Variants in CHDH observed in about 807,000 individuals in gnomAD.
CHDH encodes choline dehydrogenase, also known as choline dehydrogenase, mitochondrial.
In CHDH, 43 loss-of-function variants were observed where a neutral mutation model predicts 56.9. The ratio of observed to expected loss-of-function variants is 0.76; its 90% confidence interval spans 0.59 to 0.97. The LOEUF (loss-of-function observed/expected upper bound fraction) is 0.97. CHDH is among the 50% of genes least tolerant of loss of function. CHDH has a pLI of 0.00. For synonymous variants in CHDH, 364 were observed against 348.5 expected (o/e 1.04, Z -0.50); for missense variants, 816 against 821.1 (o/e 0.99, Z 0.08).
Position 53,814,865 on chromosome 3 carries a change from G to T in CHDH, c.*2912C>A, listed in dbSNP as rs1576769068. 1 of 152,250 alleles carries T rather than the reference G, an allele frequency of 6.6e-6. No homozygotes were observed. Among genetic ancestry groups the T allele is most frequent in the East Asian group, 1.9e-4 (1 of 5,162 alleles). 9.4% of individuals were successfully genotyped at this position (152,250 alleles called of 1,614,324 possible). The stretch of plus-strand genomic sequence containing the variant: ...AGTAGAGACGGGGTTTCACCATGTT[G>T]GCCAGGCTGGTCTCAAACTCCTGGC... On this transcript the variant is annotated 3_prime_UTR_variant, in exon 9 of 9. Transcript: ENST00000315251.
At chr3:53,824,343 GC>G (rs1396183050) in intron 2 of CHDH, among the ~76,000 whole-genome samples, 1 of 152,250 alleles carries the variant, frequency 6.6e-6, no homozygotes, top group Non-Finnish European at 1.5e-5. Flanking sequence ...TGGAGACTGG[GC>G]TGGAGTCTGC....
chr3:53,823,402 G>A lies in CHDH; in HGVS notation c.607C>T (p.Leu203=). Residue 203 remains leucine (L), a synonymous_variant, in exon 3 of 9, where the codon CTG becomes TTG. Transcript: ENST00000315251. ...KTNHPLHCAF[L]EATQQAGYPL... is the part of the protein sequence containing the mutation. ...TAGCCGGCCTGCTGCGTGGCCTCCA[G>A]GAATGCGCAGTGCAGCGGGTGGTTG... is the stretch of plus-strand genomic sequence containing the variant. The A allele has an allele frequency of 6.2e-7, 1 of 1,602,860 alleles. No homozygotes were observed. The highest frequency in any genetic ancestry group is 8.5e-7 in the Non-Finnish European group (1 of 1,174,684).
chr3:53,821,156 A>ATCAAGGAGG (rs2095625618), intron 5 of CHDH, among the ~76,000 whole-genome samples: 1 of 152,276 alleles, frequency 6.6e-6, no homozygotes, highest in Non-Finnish European at 1.5e-5. Context: ...GAGTGGGGTT[A>ATCAAGGAGG]TCAAGGAGGG....
intron 2 of CHDH, among the ~76,000 whole-genome samples, chr3:53,839,085 G>A (rs1296730451): frequency 6.6e-6 from 1 of 152,206 alleles, no homozygotes; most frequent in Non-Finnish European, 1.5e-5. Context: ...CCAGCAGAAG[G>A]AGAAAAAGAT....
intron 2 of CHDH, among the ~76,000 whole-genome samples, chr3:53,837,927 A>G (rs1022573191): frequency 3.9e-5 from 6 of 151,986 alleles, no homozygotes; most frequent in Non-Finnish European, 8.8e-5. Flanking sequence ...GTGTGGTGGC[A>G]CACGCCTTGT....
At position 53,816,943 on chromosome 3, in the gene CHDH, T is replaced by G; in HGVS notation, c.*834A>C. On this transcript the variant is annotated 3_prime_UTR_variant, in exon 9 of 9. Transcript: ENST00000315251. ...TCACAGGAGCCTCAACCTCCTGGGC[T>G]AAAGCCATCCTCCCGCCTCAGCCTC... is the stretch of plus-strand genomic sequence containing the variant. The G allele has an allele frequency of 6.7e-6, 1 of 149,374 alleles. No homozygotes were observed. Among genetic ancestry groups the G allele is most frequent in the Non-Finnish European group, 1.5e-5 (1 of 67,814 alleles). The allele number at this position is 149,374 out of a possible 1,614,324, so 9.3% of individuals were successfully genotyped here.
intron 2 of CHDH, among the ~76,000 whole-genome samples, chr3:53,831,663 T>G (rs1178437611): frequency 1.2e-4 from 18 of 152,240 alleles, no homozygotes; most frequent in Admixed American, 1.2e-3. Context: ...GGTTAATATC[T>G]AGAATGTGTT....
At position 53,812,651 on chromosome 3, in the gene CHDH, A is replaced by G. The variant is rs1479939785; in HGVS notation, c.*5126T>C. 6.6e-6 allele frequency: 1 copy of G among 152,216 alleles called. No individual in the cohort carries two copies. Among genetic ancestry groups the G allele is most frequent in the Non-Finnish European group, 1.5e-5 (1 of 68,048 alleles). 9.4% of individuals were successfully genotyped at this position (152,216 alleles called of 1,614,324 possible). A position where few individuals can be genotyped will look rare whatever the true frequency, so the allele number is the denominator to read the frequency against. ...TGGCTGCTCTGCCCCTTGGGTATCC[A>G]TAGTTACGGTTTTCTCTGTGGCCCA... is the stretch of plus-strand genomic sequence containing the variant. On this transcript the variant is annotated 3_prime_UTR_variant, in exon 9 of 9. Coordinates refer to ENST00000315251, the MANE Select transcript of CHDH (RefSeq NM_018397.5).
At chr3:53,835,848 C>G (rs147818463) in intron 2 of CHDH, among the ~76,000 whole-genome samples, 1 of 152,258 alleles carries the variant, frequency 6.6e-6, no homozygotes, top group East Asian at 1.9e-4. Context: ...ACCATCAGCC[C>G]CATGTCACAG....
At position 53,812,735 on chromosome 3, in the gene CHDH, C is replaced by A. The variant is rs1417878981; in HGVS notation, c.*5042G>T. 1 of 152,226 alleles carries A rather than the reference C, an allele frequency of 6.6e-6. No individual in the cohort carries two copies. The highest frequency in any genetic ancestry group is 1.5e-5 in the Non-Finnish European group (1 of 68,050). 9.4% of individuals were successfully genotyped at this position (152,226 alleles called of 1,614,324 possible). On this transcript the variant is annotated 3_prime_UTR_variant, in exon 9 of 9. Coordinates refer to ENST00000315251, the MANE Select transcript of CHDH (RefSeq NM_018397.5). ...TGCATAGGTGGATGAGATATAGCTGCTCTTGTCCTCTGGGGACTGGTGGTG... is the reference window on the plus strand; with the variant it reads ...TGCATAGGTGGATGAGATATAGCTGATCTTGTCCTCTGGGGACTGGTGGTG...
At position 53,817,579 on chromosome 3, in the gene CHDH, T is replaced by G; in HGVS notation, c.*198A>C. On this transcript the variant is annotated 3_prime_UTR_variant, in exon 9 of 9. Transcript: ENST00000315251. ...CCCCAAATGGCCCACAGGGAAAGGC[T>G]GGGGAAAAGGAGCTGGATTCACTGC... is the stretch of plus-strand genomic sequence containing the variant. The G allele has an allele frequency of 3.6e-6, 2 of 558,350 alleles. No homozygotes were observed. Among genetic ancestry groups the G allele is most frequent in the South Asian group, 5.4e-5 (2 of 36,868 alleles). The allele number at this position is 558,350 out of a possible 1,614,324, so 34.6% of individuals were successfully genotyped here.
Position 53,819,735 on chromosome 3 carries a change from G to C in CHDH, c.1121-61C>G. ...TCAGGCCGTGGCAGGTGGGCCGGCT[G>C]CTCCTGGTTTCCCTCCTTTCTCCTG... On this transcript the variant is annotated intron_variant, in intron 6 of 8. Coordinates refer to ENST00000315251, the MANE Select transcript of CHDH (RefSeq NM_018397.5). This position sits in a 1 kb window ranked among gnomAD's most constrained non-coding sequence, Gnocchi z 5.4. The C allele has an allele frequency of 6.8e-7, 1 of 1,478,368 alleles. No individual in the cohort carries two copies. 91.6% of individuals were successfully genotyped at this position (1,478,368 alleles called of 1,614,324 possible). A position where few individuals can be genotyped will look rare whatever the true frequency, so the allele number is the denominator to read the frequency against.
At position 53,816,731 on chromosome 3, in the gene CHDH, T is replaced by C. The variant is rs1222620500; in HGVS notation, c.*1046A>G. The C allele has an allele frequency of 6.6e-6, 1 of 152,072 alleles. No individual in the cohort carries two copies. Among genetic ancestry groups the C allele is most frequent in the African/African-American group, 2.4e-5 (1 of 41,394 alleles). 9.4% of individuals were successfully genotyped at this position (152,072 alleles called of 1,614,324 possible). On this transcript the variant is annotated 3_prime_UTR_variant, in exon 9 of 9. Transcript: ENST00000315251. ...TGCTCTTGGTTTCTGCATTTCTTGG[T>C]AAAAGGAAAACCTTTTAAAATGCTA... is the stretch of plus-strand genomic sequence containing the variant.
intron 2 of CHDH, among the ~76,000 whole-genome samples, chr3:53,832,662 T>C (rs998189547): frequency 1.3e-5 from 2 of 152,166 alleles, no homozygotes; most frequent in African/African-American, 4.8e-5. Context: ...GGCTGGACCT[T>C]GAAAGCATTA....
chr3:53,814,655 ATC>A lies in CHDH; in HGVS notation c.*3120_*3121del, dbSNP rs2095612695. ...GCGGGACATGGTTGGGTGGAGAAGAATCTGTTTTTTTGTTGTTTTTTTTTGAG... is the reference window on the plus strand; with the variant it reads ...GCGGGACATGGTTGGGTGGAGAAGAATGTTTTTTTGTTGTTTTTTTTTGAG... On this transcript the variant is annotated 3_prime_UTR_variant, in exon 9 of 9. Transcript: ENST00000315251. 6.6e-6 allele frequency: 1 copy of A among 152,052 alleles called. No homozygotes were observed. Among genetic ancestry groups the A allele is most frequent in the Middle Eastern group, 3.4e-3 (1 of 294 alleles). The allele number at this position is 152,052 out of a possible 1,614,324, so 9.4% of individuals were successfully genotyped here.
At chr3:53,845,362 A>G (rs995550665) in intron 1 of CHDH, among the ~76,000 whole-genome samples, 2 of 152,210 alleles carry the variant, frequency 1.3e-5, no homozygotes, top group African/African-American at 4.8e-5. Flanking sequence ...GCCTCTCACC[A>G]GCTGACAACA....
At position 53,817,998 on chromosome 3, in the gene CHDH, A is replaced by C; in HGVS notation, c.1564T>G (p.Ser522Ala). 6.2e-7 allele frequency: 1 copy of C among 1,614,172 alleles called. No homozygotes were observed. The highest frequency in any genetic ancestry group is 8.5e-7 in the Non-Finnish European group (1 of 1,180,036). The change falls in exon 9 of 9, where the codon TCC (serine) becomes GCC (alanine). Residue 522 changes from serine (S) to alanine (A), a missense_variant. Coordinates refer to ENST00000315251, the MANE Select transcript of CHDH (RefSeq NM_018397.5). ...GGATCCACCACGGCAGTGGGATCGGAGGGCTGGCCCATCTTACAGGTGCAC... is the reference window on the plus strand; with the variant it reads ...GGATCCACCACGGCAGTGGGATCGGCGGGCTGGCCCATCTTACAGGTGCAC... ...PSCTCKMGQP[S>A]DPTAVVDPQT...
At chr3:53,829,217 A>G (rs79537350) in intron 2 of CHDH, among the ~76,000 whole-genome samples, 2,031 of 152,286 alleles carry the variant, frequency 0.013, 41 homozygotes, top group African/African-American at 0.046. Context: ...GAGACAGTAA[A>G]ACGATCAGTG....
chr3:53,824,283 C>T (rs987964116), intron 2 of CHDH, among the ~76,000 whole-genome samples: 30 of 152,220 alleles, frequency 2.0e-4, no homozygotes, highest in Non-Finnish European at 1.0e-4. Flanking sequence ...CAGAAAGGCC[C>T]CTCCCCCAAC....
Sources: gnomAD v4.1 joint callset for allele counts (sites outside exome capture counted in the v4.1 genomes callset) on GRCh38, gnomAD v4.1.1 for gene constraint, Gnocchi (gnomAD v3.1) non-coding constraint, MANE v1.5 for transcripts, NCBI Gene and HGNC (gene_info 2026-07-23, HGNC 2026-07-21) for gene names.